Variants in ABCB1 observed in about 807,000 individuals in gnomAD.
ABCB1 encodes ATP-dependent translocase ABCB1.
Under a neutral mutation model 142.0 loss-of-function variants are expected in ABCB1, and 69 were observed. The ratio of observed to expected loss-of-function variants is 0.49; its 90% CI spans 0.40 to 0.59. The LOEUF is 0.59. ABCB1 is among the 20% of genes least tolerant of loss of function. The probability of loss-of-function intolerance (pLI) is 0.00; values close to 1 mark genes in which losing one functional copy is unlikely to be tolerated. For synonymous variants in ABCB1, 532 were observed against 539.2 expected (o/e 0.99, Z 0.18); for missense variants, 1,326 against 1,554.7 (o/e 0.85, Z 2.47).
At chr7:87,619,777 T>C (rs942976085) in intron 1 of ABCB1, among the ~76,000 whole-genome samples, 4 of 151,858 alleles carry the variant, frequency 2.6e-5, no homozygotes, top group African/African-American at 4.8e-5. Flanking sequence ...TATATATATA[T>C]ATATGAATAA....
At chr7:87,569,357 A>AT (rs1817938845) in intron 5 of ABCB1, among the ~76,000 whole-genome samples, 1 of 145,130 alleles carries the variant, frequency 6.9e-6, no homozygotes, top group Non-Finnish European at 1.5e-5. Context: ...AAAAAAATCT[A>AT]TTTTTTTCAA....
intron 4 of ABCB1, among the ~76,000 whole-genome samples, chr7:87,571,365 C>A (rs1343469835): frequency 6.6e-6 from 1 of 151,994 alleles, no homozygotes; most frequent in Non-Finnish European, 1.5e-5. Context: ...CAGTTTTGAG[C>A]AAAATAGGAT....
intron 1 of ABCB1, chr7:87,710,433 C>G: frequency 1.7e-6 from 1 of 587,262 alleles, no homozygotes; most frequent in East Asian, 3.1e-5. Flanking sequence ...TTTTTATCTA[C>G]TTAAACATTT....
intron 1 of ABCB1, among the ~76,000 whole-genome samples, chr7:87,697,853 G>C (rs1305078318): frequency 6.6e-6 from 1 of 152,110 alleles, no homozygotes; most frequent in Non-Finnish European, 1.5e-5. Context: ...GCTAGAAAGT[G>C]ATCTAGTTCA....
intron 26 of ABCB1, among the ~76,000 whole-genome samples, chr7:87,507,697 T>C (rs959678851): frequency 4.6e-5 from 7 of 152,100 alleles, no homozygotes; most frequent in African/African-American, 1.7e-4. Flanking sequence ...GGAAACTGTC[T>C]TCCCCGCCGG....
At chr7:87,568,659 A>C (rs1440305589) in intron 5 of ABCB1, among the ~76,000 whole-genome samples, 1 of 152,212 alleles carries the variant, frequency 6.6e-6, no homozygotes, top group Non-Finnish European at 1.5e-5. Context: ...GAATCTTGGG[A>C]AACAAGTTTT....
rs1823259533 is a variant in ABCB1, at chr7:87,648,561, T to G, written c.-330-47483A>C. 2.0e-5 allele frequency among the ~76,000 whole-genome samples: 3 copies of G among 152,112 alleles called. No individual in the cohort carries two copies. The East Asian group carries it at 5.8e-4, about 29-fold the overall frequency. On this transcript the variant is annotated intron_variant, in intron 1 of 28. Coordinates refer to the ABCB1 transcript ENST00000265724. ...AAAAAAAAGAGGCTTACACTATATC[T>G]TAAGTTGTATAAATGAGAAGAATGA...
At chr7:87,582,353 TTC>T (rs1818545622) in intron 4 of ABCB1, among the ~76,000 whole-genome samples, 1 of 152,182 alleles carries the variant, frequency 6.6e-6, no homozygotes, top group Non-Finnish European at 1.5e-5. Flanking sequence ...CAGGTGTCCT[TTC>T]TCTCTTTTTC....
In ABCB1 at chr7:87,561,232, A is replaced by G. The variant is rs1034843697; in HGVS notation, c.827+31T>C. On this transcript the variant is annotated intron_variant, in intron 8 of 27. Transcript: ENST00000622132. ...GGCATTTGAGAAGACAGAATTTAAC[A>G]TATCTATCCATTTAAAAAAGAAACT... The G allele has an allele frequency of 5.6e-6, 9 of 1,611,880 alleles. No homozygotes were observed. The East Asian group carries it at 6.7e-5, about 12-fold the overall frequency.
chr7:87,652,217 G>A (rs1163117262), intron 1 of ABCB1, among the ~76,000 whole-genome samples: 1 of 151,888 alleles, frequency 6.6e-6, no homozygotes, highest in Admixed American at 6.6e-5. Flanking sequence ...CCCTTGATCT[G>A]GTATATCATT....
intron 8 of ABCB1, among the ~76,000 whole-genome samples, chr7:87,559,904 C>A (rs1817483387): frequency 1.3e-5 from 2 of 152,180 alleles, no homozygotes; most frequent in South Asian, 4.1e-4. Context: ...TTCTGGTCCA[C>A]CTTTTCTCTG....
intron 1 of ABCB1, among the ~76,000 whole-genome samples, chr7:87,609,449 A>G (rs1384539169): frequency 6.6e-6 from 1 of 152,154 alleles, no homozygotes; most frequent in African/African-American, 2.4e-5. Context: ...CTGAAATGCC[A>G]AAGAACTTGA....
intron 1 of ABCB1, among the ~76,000 whole-genome samples, chr7:87,711,979 T>C (rs923812124): frequency 1.3e-5 from 2 of 152,200 alleles, no homozygotes. Flanking sequence ...CATATCCTAA[T>C]ACAGGGTTTG....
In ABCB1 at chr7:87,566,988, CAAG is replaced by C; in HGVS notation, c.339-15_339-13del. 6.2e-7 allele frequency: 1 copy of C among 1,612,664 alleles called. No homozygotes were observed. Among genetic ancestry groups the C allele is most frequent in the Non-Finnish European group, 8.5e-7 (1 of 1,178,700 alleles). On this transcript the variant is annotated splice_polypyrimidine_tract_variant and intron_variant, in intron 5 of 27. Coordinates refer to ENST00000622132, the MANE Select transcript of ABCB1 (RefSeq NM_001348946.2). ...AATAATAGGCATACCTGAAAAACAA[CAAG>C]AACACTGCACATGCTCTCTGTTTCC...
chr7:87,530,939 A>G (rs1399297412), intron 21 of ABCB1, among the ~76,000 whole-genome samples: 1 of 151,644 alleles, frequency 6.6e-6, no homozygotes, highest in Non-Finnish European at 1.5e-5. Flanking sequence ...AGAAGGAAAG[A>G]AGGAAGGAAG....
rs768283170 is a variant in ABCB1 at position 87,549,479 on chromosome 7, T to C, written c.1594A>G (p.Ser532Gly). 1 of 1,614,130 alleles carries C rather than the reference T, an allele frequency of 6.2e-7. No homozygotes were observed. Among genetic ancestry groups the C allele is most frequent in the Non-Finnish European group, 8.5e-7 (1 of 1,180,036 alleles). The change falls in exon 14 of 28, where the codon AGT becomes GGT. Residue 532 changes from serine to glycine, a missense_variant. Physicochemically the swap from Ser to Gly is moderately conservative, Grantham distance 56. Transcript: ENST00000622132. ...TLVGERGAQL[S>G]GGQKQRIAIA... ...GCGATCCTCTGCTTCTGCCCACCAC[T>C]CAACTGGGCCCCTCTCTCTCCAACC... is the stretch of plus-strand genomic sequence containing the variant.
chr7:87,685,159 C>T (rs1044474793), intron 1 of ABCB1, among the ~76,000 whole-genome samples: 2 of 151,856 alleles, frequency 1.3e-5, no homozygotes, highest in East Asian at 1.9e-4. Flanking sequence ...AAGGCATAGA[C>T]CAGGAAAAAA....
At chr7:87,595,708 T>C (rs1819172937) in intron 3 of ABCB1, 58 bp downstream of exon 3, 3 of 1,294,750 alleles carry the variant, frequency 2.3e-6, no homozygotes, top group South Asian at 1.2e-5. Flanking sequence ...CTCTTTTCCA[T>C]GTAAGGAGAT....
At chr7:87,508,165 T>C (rs2117063904) in intron 26 of ABCB1, among the ~76,000 whole-genome samples, 1 of 152,298 alleles carries the variant, frequency 6.6e-6, no homozygotes, top group South Asian at 2.1e-4. Flanking sequence ...AATTTTGGAC[T>C]TTTAATACAG....
Sources: gnomAD v4.1 joint callset for allele counts (sites outside exome capture counted in the v4.1 genomes callset) on GRCh38, gnomAD v4.1.1 for gene constraint, MANE v1.5 for transcripts, NCBI Gene and HGNC (gene_info 2026-07-23, HGNC 2026-07-21) for gene names.